ZIM2: variants seen among roughly 807,000 people sequenced by gnomAD.
ZIM2 encodes the protein zinc finger protein 656.
In ZIM2, 14 loss-of-function variants were observed where a neutral mutation model predicts 38.6. The ratio of observed to expected loss-of-function variants is 0.36; its 90% CI spans 0.24 to 0.57. ZIM2 has a LOEUF of 0.57. ZIM2 is among the 20% of genes least tolerant of loss of function. ZIM2 has a pLI of 0.81. For missense variants in ZIM2, 680 were observed against 695.1 expected, an observed-to-expected ratio of 0.98 and a Z score of 0.24; for synonymous variants, 247 against 245.8, an observed-to-expected ratio of 1.00 and a Z score of -0.04.
intron 1 of ZIM2, among the ~76,000 whole-genome samples, chr19:56,838,016 G>A (rs369628729): frequency 5.9e-5 from 9 of 152,152 alleles, no homozygotes; most frequent in Admixed American, 2.0e-4. Flanking sequence ...CCCTCCCTCA[G>A]AACCGCACCT....
chr19:56,824,194 G>A, intron 4 of ZIM2, 68 bp downstream of exon 4: 1 of 1,565,518 alleles, frequency 6.4e-7, no homozygotes, highest in South Asian at 1.2e-5. Context: ...TCAGAAGTGT[G>A]GAGGCTGAGA....
chr19:56,783,777 T>A (rs754066666), intron 10 of ZIM2, among the ~76,000 whole-genome samples: 5 of 152,158 alleles, frequency 3.3e-5, no homozygotes, highest in Non-Finnish European at 5.9e-5. Context: ...ATCTTAGCAT[T>A]GTGCAATACA....
At chr19:56,778,228 G>C (rs750543770) in intron 12 of ZIM2, among the ~76,000 whole-genome samples, 5 of 152,174 alleles carry the variant, frequency 3.3e-5, no homozygotes, top group Non-Finnish European at 7.3e-5. Flanking sequence ...ACAGATACTA[G>C]GACAGTATCT....
Position 56,795,603 on chromosome 19 carries a change from C to T in ZIM2, c.491-5652G>A, listed in dbSNP as rs545711265. 3.3e-5 allele frequency among the ~76,000 whole-genome samples: 5 copies of T among 152,316 alleles called. No homozygotes were observed. In the South Asian group the frequency reaches 6.2e-4, roughly 19 times the overall value. Reference sequence around the variant, plus strand: ...AACCACAGCCGCTCCTGGCCAAGTGCCCTGTGAGACACGAGGATAGGGTTG... The same window carrying T: ...AACCACAGCCGCTCCTGGCCAAGTGTCCTGTGAGACACGAGGATAGGGTTG... On this transcript the variant is annotated intron_variant, in intron 9 of 12. Transcript: ENST00000629319.
At position 56,824,435 on chromosome 19, in the gene ZIM2, C is replaced by T; in HGVS notation, c.-150-8G>A. The T allele has an allele frequency of 6.2e-7, 1 of 1,614,114 alleles. No homozygotes were observed. The highest frequency in any genetic ancestry group is 8.5e-7 in the Non-Finnish European group (1 of 1,180,026). On this transcript the variant is annotated splice_region_variant and splice_polypyrimidine_tract_variant and intron_variant, in intron 3 of 12. Coordinates refer to ENST00000629319, the MANE Select transcript of ZIM2 (RefSeq NM_001387356.1). The stretch of plus-strand genomic sequence containing the variant: ...CTTGGTGCGGGTCTCCGGCTGCAAC[C>T]AATCGAGGCAGAGGTTTCGGAGTTT...
intron 9 of ZIM2, chr19:56,813,972 T>C: frequency 1.2e-6 from 2 of 1,614,160 alleles, no homozygotes; most frequent in South Asian, 2.2e-5. Context: ...CACCTTCTTC[T>C]GGGTCTTCAA....
chr19:56,782,226 C>A, intron 10 of ZIM2, 105 bp from the exon 11 acceptor site: 1 of 1,435,664 alleles, frequency 7.0e-7, no homozygotes, highest in Admixed American at 2.2e-5. Context: ...GAGCCACAGG[C>A]ACCTGGCATT....
intron 9 of ZIM2, chr19:56,816,182 A>G: frequency 6.2e-7 from 1 of 1,614,128 alleles, no homozygotes; most frequent in South Asian, 1.1e-5. Flanking sequence ...TAGGGGTTAG[A>G]GCTAATGGTG....
intron 9 of ZIM2, among the ~76,000 whole-genome samples, chr19:56,800,613 A>G (rs1156859725): frequency 4.6e-5 from 7 of 151,974 alleles, no homozygotes; most frequent in African/African-American, 1.7e-4. Context: ...AAGAGAGAGA[A>G]AGAGAGAAAA....
At chr19:56,816,360 G>T (rs750646928) in intron 9 of ZIM2, 9 of 1,614,040 alleles carry the variant, frequency 5.6e-6, no homozygotes, top group Non-Finnish European at 7.6e-6. Context: ...AGCTTTGCAT[G>T]AAGGCATCCC....
intron 9 of ZIM2, among the ~76,000 whole-genome samples, chr19:56,806,889 A>G (rs1256100212): frequency 6.6e-6 from 1 of 152,212 alleles, no homozygotes; most frequent in Non-Finnish European, 1.5e-5. Context: ...ATCAGACTCC[A>G]TATTTGCTGG....
intron 10 of ZIM2, 110 bp downstream of exon 10, chr19:56,789,761 AT>A: frequency 1.0e-6 from 1 of 967,026 alleles, no homozygotes; most frequent in Non-Finnish European, 1.4e-6. Flanking sequence ...TGATATTTAT[AT>A]AAAAACTTAA....
chr19:56,816,431 A>G lies in ZIM2; in HGVS notation c.490+1315T>C, dbSNP rs2059984729. On this transcript the variant is annotated intron_variant, in intron 9 of 12. Coordinates refer to ENST00000629319, the MANE Select transcript of ZIM2 (RefSeq NM_001387356.1). ...TAAGTTTTCTGACGCCTTTTAAGGG[A>G]CTGACCAGGAATAAAGGTTTCCTCA... 2.5e-6 allele frequency: 4 copies of G among 1,613,990 alleles called. No individual in the cohort carries two copies. The East Asian group carries it at 8.9e-5, about 36-fold the overall frequency.
chr19:56,816,342 G>A, intron 9 of ZIM2: 1 of 1,614,166 alleles, frequency 6.2e-7, no homozygotes, highest in Non-Finnish European at 8.5e-7. Flanking sequence ...GATGCTCACT[G>A]AGCTCTGAGC....
intron 10 of ZIM2, among the ~76,000 whole-genome samples, chr19:56,787,050 C>T (rs758841191): frequency 1.3e-5 from 2 of 151,268 alleles, no homozygotes; most frequent in East Asian, 2.0e-4. Context: ...TGGCCAGGCT[C>T]GTCTTCAACT....
intron 6 of ZIM2, 71 bp downstream of exon 6, chr19:56,822,682 C>T (rs924777847): frequency 6.3e-7 from 1 of 1,578,158 alleles, no homozygotes; most frequent in African/African-American, 1.3e-5. Context: ...GGCCCTGGCA[C>T]TTTCCCCTTG....
At chr19:56,821,555 C>A in intron 7 of ZIM2, 96 bp downstream of exon 7, 1 of 1,481,322 alleles carries the variant, frequency 6.8e-7, no homozygotes. Context: ...CAGCTGGACT[C>A]TAGGGGGCAG....
chr19:56,800,645 AT>A (rs2047474842), intron 9 of ZIM2, among the ~76,000 whole-genome samples: 1 of 152,096 alleles, frequency 6.6e-6, no homozygotes, highest in South Asian at 2.1e-4. Flanking sequence ...ATAAAGATGT[AT>A]TTTTGGTAAG....
chr19:56,800,200 G>GA (rs1453808810), intron 9 of ZIM2, among the ~76,000 whole-genome samples: 3 of 150,382 alleles, frequency 2.0e-5, no homozygotes, highest in South Asian at 4.2e-4. Context: ...CCTCACAATA[G>GA]AAAAAAAAGA....
Sources: gnomAD v4.1 joint callset for allele counts (sites outside exome capture counted in the v4.1 genomes callset) on GRCh38, gnomAD v4.1.1 for gene constraint, MANE v1.5 for transcripts, NCBI Gene and HGNC (gene_info 2026-07-23, HGNC 2026-07-21) for gene names.